ZNF732: variants seen among roughly 807,000 people sequenced by gnomAD.
The protein encoded by ZNF732 is zinc finger protein 732.
Under a neutral mutation model 11.5 loss-of-function variants are expected in ZNF732, and 12 were observed. The observed-to-expected ratio is 1.05, with a 90% CI of 0.67 to 1.70. ZNF732 has a LOEUF of 1.70. ZNF732 is among the 40% of genes most tolerant of loss of function. The pLI is 0.00. For synonymous variants in ZNF732, 231 were observed against 236.5 expected (o/e 0.98, Z 0.21); for missense variants, 702 against 676.9 (o/e 1.04, Z -0.41).
chr4:294,184 T>C, intron 3 of ZNF732, among the ~76,000 whole-genome samples: 1 of 152,102 alleles, frequency 6.6e-6, no homozygotes. Flanking sequence ...GTATTTTTAG[T>C]ACAGATGGGA....
intron 3 of ZNF732, among the ~76,000 whole-genome samples, chr4:276,153 G>T (rs1405952953): frequency 6.6e-6 from 1 of 151,560 alleles, no homozygotes; most frequent in Non-Finnish European, 1.5e-5. Context: ...GGTAAAATTA[G>T]GAGAATTTCA....
chr4:289,237 C>T (rs1355807371), intron 3 of ZNF732, among the ~76,000 whole-genome samples: 2 of 152,234 alleles, frequency 1.3e-5, no homozygotes, highest in Non-Finnish European at 2.9e-5. Context: ...TGAAGTGAGA[C>T]TTGGGTAGTA....
At chr4:286,350 A>T (rs939058823) in intron 3 of ZNF732, among the ~76,000 whole-genome samples, 1 of 152,262 alleles carries the variant, frequency 6.6e-6, no homozygotes, top group Non-Finnish European at 1.5e-5. Context: ...TGCATGTATT[A>T]TCAAATGAAG....
intron 3 of ZNF732, among the ~76,000 whole-genome samples, chr4:278,590 C>G (rs1719549142): frequency 6.6e-6 from 1 of 152,192 alleles, no homozygotes; most frequent in East Asian, 1.9e-4. Flanking sequence ...CAATCTATTC[C>G]TATATGTTAG....
At chr4:301,799 A>G (rs1359147052) in intron 1 of ZNF732, among the ~76,000 whole-genome samples, 1 of 152,210 alleles carries the variant, frequency 6.6e-6, no homozygotes, top group Non-Finnish European at 1.5e-5. Context: ...GTACACCAAC[A>G]TGGCACATGT....
chr4:279,855 G>C (rs1423750352), intron 3 of ZNF732, among the ~76,000 whole-genome samples: 1 of 152,024 alleles, frequency 6.6e-6, no homozygotes, highest in Non-Finnish European at 1.5e-5. Flanking sequence ...ACCTATAAAA[G>C]AAAACAGTGA....
chr4:282,273 T>A (rs1719633708), intron 3 of ZNF732, among the ~76,000 whole-genome samples: 1 of 152,226 alleles, frequency 6.6e-6, no homozygotes, highest in Admixed American at 6.5e-5. Context: ...AATATTTTTA[T>A]ACATAGAAGT....
intron 1 of ZNF732, among the ~76,000 whole-genome samples, chr4:300,012 T>C (rs1720081108): frequency 6.6e-6 from 1 of 151,168 alleles, no homozygotes. Context: ...CTGACGAGTA[T>C]ATTTTTAAAG....
At chr4:299,528 TATATAC>T (rs1223860929) in intron 1 of ZNF732, among the ~76,000 whole-genome samples, 1 of 134,802 alleles carries the variant, frequency 7.4e-6, no homozygotes, top group Non-Finnish European at 1.6e-5. Flanking sequence ...TATATGTGTA[TATATAC>T]ATATATACAC....
chr4:291,976 T>C (rs1553841389), intron 3 of ZNF732, among the ~76,000 whole-genome samples: 1 of 152,178 alleles, frequency 6.6e-6, no homozygotes, highest in African/African-American at 2.4e-5. Flanking sequence ...ATTACACTCT[T>C]GTCAATACGT....
chr4:292,963 G>A (rs1719870688), intron 3 of ZNF732, among the ~76,000 whole-genome samples: 1 of 141,908 alleles, frequency 7.0e-6, no homozygotes. Flanking sequence ...AGCTACTCAG[G>A]AGGCTGAGGC....
chr4:293,317 T>G (rs782524865), intron 3 of ZNF732, among the ~76,000 whole-genome samples: 1 of 148,032 alleles, frequency 6.8e-6, no homozygotes, highest in Non-Finnish European at 1.5e-5. Flanking sequence ...TGTGTATATA[T>G]ATATACACAC....
chr4:305,184 CAAGGACT>C, intron 1 of ZNF732, 117 bp downstream of exon 1: 1 of 1,361,750 alleles, frequency 7.3e-7, no homozygotes, highest in Admixed American at 2.6e-5. Context: ...CGGAAGGGAC[CAAGGACT>C]GAGGGCTGAG....
At chr4:300,006 C>T (rs2108661967) in intron 1 of ZNF732, among the ~76,000 whole-genome samples, 1 of 150,038 alleles carries the variant, frequency 6.7e-6, no homozygotes, top group South Asian at 2.1e-4. Context: ...GCCCAGCTGA[C>T]GAGTATATTT....
At chr4:300,343 G>C (rs1581550448) in intron 1 of ZNF732, among the ~76,000 whole-genome samples, 1 of 150,424 alleles carries the variant, frequency 6.6e-6, no homozygotes, top group South Asian at 2.1e-4. Context: ...GGTGCCTGTA[G>C]TCCCAGCTAC....
At chr4:304,889 G>T (rs782495943) in intron 1 of ZNF732, among the ~76,000 whole-genome samples, 12 of 152,200 alleles carry the variant, frequency 7.9e-5, no homozygotes, top group Non-Finnish European at 1.5e-4. Flanking sequence ...CACAAGCCAT[G>T]CCCGGGGCTG....
intron 1 of ZNF732, among the ~76,000 whole-genome samples, chr4:302,951 T>A (rs571263786): frequency 1.3e-5 from 2 of 152,242 alleles, no homozygotes; most frequent in African/African-American, 4.8e-5. Flanking sequence ...CCAGACAGAC[T>A]CCATCTTGGC....
chr4:282,236 A>G (rs2108654896), intron 3 of ZNF732, among the ~76,000 whole-genome samples: 1 of 152,326 alleles, frequency 6.6e-6, no homozygotes, highest in African/African-American at 2.4e-5. Context: ...TGACATAAAT[A>G]GTGTGTTGAA....
Position 295,498 on chromosome 4 carries a change from G to T in ZNF732, c.166C>A (p.Leu56Met). The T allele has an allele frequency of 6.2e-7, 1 of 1,612,956 alleles. No homozygotes were observed. Among genetic ancestry groups the T allele is most frequent in the Non-Finnish European group, 8.5e-7 (1 of 1,179,450 alleles). Residue 56 changes from leucine (L) to methionine (M), a missense_variant, in exon 3 of 4, where the codon CTG (leucine) becomes ATG (methionine). Transcript: ENST00000419098. ...AISNPDLVIYLEQRKEPYKVK... is the reference protein window; with the variant it reads ...AISNPDLVIYMEQRKEPYKVK... ...TTGTAGGGCTCCTTTCTTTGCTCCA[G>T]ATAGATGACCAGGTCTGGGTTAGAG... is the stretch of plus-strand genomic sequence containing the variant.
Sources: allele counts gnomAD v4.1 joint callset (sites outside exome capture counted in the v4.1 genomes callset), GRCh38; gene constraint gnomAD v4.1.1; transcripts MANE v1.5; gene names NCBI Gene and HGNC (gene_info 2026-07-23, HGNC 2026-07-21).